Variants in MALRD1 observed in about 807,000 individuals in gnomAD.
The protein encoded by MALRD1 is MAM and LDL receptor class A domain containing 1.
A neutral mutation model predicts 242.1 loss-of-function variants in MALRD1; 247 were observed. The observed-to-expected ratio is 1.02, with a 90% CI of 0.92 to 1.13. The LOEUF is 1.13. MALRD1 is among the 50% of genes most tolerant of loss of function. The probability of loss-of-function intolerance (pLI) is 0.00; values close to 1 mark genes in which losing one functional copy is unlikely to be tolerated. For synonymous variants in MALRD1, 995 were observed against 866.6 expected (o/e 1.15, Z -2.60); for missense variants, 2,989 against 2,533.1 (o/e 1.18, Z -3.86).
chr10:19,608,926 T>A (rs1263760937), intron 35 of MALRD1, among the ~76,000 whole-genome samples: 1 of 152,078 alleles, frequency 6.6e-6, no homozygotes, highest in Non-Finnish European at 1.5e-5. Context: ...ACCAGTATTA[T>A]TTTCTTTCCA....
intron 35 of MALRD1, among the ~76,000 whole-genome samples, chr10:19,615,430 T>TGCTTGA (rs1839099345): frequency 7.0e-6 from 1 of 142,338 alleles, no homozygotes; most frequent in South Asian, 2.3e-4. Context: ...GTGGGAGGAT[T>TGCTTGA]GCTTGAGCCC....
intron 36 of MALRD1, among the ~76,000 whole-genome samples, chr10:19,634,405 G>A (rs1840037272): frequency 6.6e-6 from 1 of 151,986 alleles, no homozygotes; most frequent in African/African-American, 2.4e-5. Flanking sequence ...ACCAAAATTA[G>A]GCCCATTTTT....
intron 31 of MALRD1, among the ~76,000 whole-genome samples, chr10:19,513,425 CTTT>C (rs34441106): frequency 1.4e-5 from 2 of 139,640 alleles, no homozygotes; most frequent in African/African-American, 2.6e-5. Context: ...AAATAAATCT[CTTT>C]TTTTTTTTTT....
chr10:19,570,035 G>A (rs895226849), intron 33 of MALRD1, among the ~76,000 whole-genome samples: 27 of 151,790 alleles, frequency 1.8e-4, no homozygotes, highest in Non-Finnish European at 2.9e-5. Flanking sequence ...ATTCACTAAA[G>A]TATAAAGGTT....
At chr10:19,346,064 G>A (rs1844107076) in intron 24 of MALRD1, among the ~76,000 whole-genome samples, 1 of 151,810 alleles carries the variant, frequency 6.6e-6, no homozygotes, top group African/African-American at 2.4e-5. Flanking sequence ...TGATTACAGG[G>A]GTGAAGCACT....
intron 9 of MALRD1, among the ~76,000 whole-genome samples, chr10:19,135,239 C>T (rs910216983): frequency 6.6e-6 from 1 of 152,160 alleles, no homozygotes; most frequent in Admixed American, 6.6e-5. Flanking sequence ...ACTGCAGCTT[C>T]CACCTCCTGG....
At chr10:19,243,740 T>A (rs1838911405) in intron 18 of MALRD1, among the ~76,000 whole-genome samples, 1 of 152,134 alleles carries the variant, frequency 6.6e-6, no homozygotes, top group Non-Finnish European at 1.5e-5. Flanking sequence ...GGGAAAAGTA[T>A]CAATTTTTCT....
At chr10:19,311,024 A>T (rs548929223) in intron 21 of MALRD1, among the ~76,000 whole-genome samples, 6 of 151,630 alleles carry the variant, frequency 4.0e-5, no homozygotes, top group Admixed American at 6.6e-5. Context: ...CTTGAATGAT[A>T]AAAAGAAAAA....
chr10:19,158,725 CA>C (rs1042767495), intron 12 of MALRD1, among the ~76,000 whole-genome samples: 1 of 152,106 alleles, frequency 6.6e-6, no homozygotes, highest in African/African-American at 2.4e-5. Context: ...CTTGCTCTAA[CA>C]AAATGTTGTT....
At chr10:19,234,606 G>A (rs1838219914) in intron 18 of MALRD1, among the ~76,000 whole-genome samples, 1 of 142,222 alleles carries the variant, frequency 7.0e-6, no homozygotes, top group South Asian at 2.4e-4. Flanking sequence ...TGTAAACATT[G>A]ACTTAGTTCA....
intron 18 of MALRD1, among the ~76,000 whole-genome samples, chr10:19,242,049 T>C (rs918382226): frequency 3.9e-5 from 6 of 152,140 alleles, no homozygotes; most frequent in Non-Finnish European, 8.8e-5. Context: ...GATGATGTAT[T>C]AGTCTGTTTT....
chr10:19,565,268 T>C (rs1031583202), intron 32 of MALRD1, among the ~76,000 whole-genome samples: 3 of 152,028 alleles, frequency 2.0e-5, no homozygotes, highest in Non-Finnish European at 2.9e-5. Flanking sequence ...CGAAAATGAA[T>C]TTGACAAGAG....
At chr10:19,488,924 T>A (rs1429230060) in intron 29 of MALRD1, 4 of 376,824 alleles carry the variant, frequency 1.1e-5, no homozygotes, top group Non-Finnish European at 2.1e-5. Flanking sequence ...GGTTATTACA[T>A]GGGTTATTAA....
intron 31 of MALRD1, among the ~76,000 whole-genome samples, chr10:19,511,843 CAG>C (rs1470788285): frequency 6.6e-5 from 10 of 151,890 alleles, no homozygotes; most frequent in African/African-American, 2.4e-4. Flanking sequence ...AAAAGAAACA[CAG>C]AGAAAAAATA....
At chr10:19,096,235 G>A (rs1836027411) in intron 4 of MALRD1, among the ~76,000 whole-genome samples, 1 of 152,058 alleles carries the variant, frequency 6.6e-6, no homozygotes, top group Admixed American at 6.6e-5. Context: ...GAGTTCTGAT[G>A]ATTAAATATG....
intron 33 of MALRD1, among the ~76,000 whole-genome samples, chr10:19,581,284 A>T (rs940903210): frequency 4.0e-5 from 6 of 151,394 alleles, no homozygotes; most frequent in Admixed American, 6.6e-5. Flanking sequence ...TTAGTTACAT[A>T]TGTATACATG....
chr10:19,588,944 A>G (rs1825701442), intron 33 of MALRD1, among the ~76,000 whole-genome samples: 1 of 152,186 alleles, frequency 6.6e-6, no homozygotes, highest in Non-Finnish European at 1.5e-5. Context: ...CGCCCAGTCT[A>G]AAGCAACATT....
chr10:19,530,284 A>G lies in MALRD1; in HGVS notation c.5321-910A>G, dbSNP rs1300727842. ...AAAAAATTGTGTATTCATTTTTGTCATCTATATTTTGAAGGACATTGTTGA... is the reference window on the plus strand; with the variant it reads ...AAAAAATTGTGTATTCATTTTTGTCGTCTATATTTTGAAGGACATTGTTGA... On this transcript the variant is annotated intron_variant, in intron 31 of 39. Transcript: ENST00000454679. 2.1e-5 allele frequency among the ~76,000 whole-genome samples: 3 copies of G among 140,780 alleles called. No homozygotes were observed. In the East Asian group the frequency reaches 6.1e-4, roughly 29 times the overall value. The allele number at this position is 140,780 out of a possible 152,430, so 92.4% of individuals were successfully genotyped here. A position where few individuals can be genotyped will look rare whatever the true frequency, so the allele number is the denominator to read the frequency against.
intron 31 of MALRD1, among the ~76,000 whole-genome samples, chr10:19,504,198 G>C (rs1204952117): frequency 6.6e-6 from 1 of 152,164 alleles, no homozygotes; most frequent in Non-Finnish European, 1.5e-5. Context: ...TCAGAGATGA[G>C]GAACACAGAT....
Sources: allele counts gnomAD v4.1 joint callset (sites outside exome capture counted in the v4.1 genomes callset), GRCh38; gene constraint gnomAD v4.1.1; transcripts MANE v1.5; gene names NCBI Gene and HGNC (gene_info 2026-07-23, HGNC 2026-07-21).